Variants in TM9SF4 observed in about 807,000 individuals in gnomAD.
TM9SF4 encodes dinucleotide oxidase disulfide thiol exchanger 3 superfamily member 4.
A neutral mutation model predicts 90.4 loss-of-function variants in TM9SF4; 26 were observed. That is an observed-to-expected ratio of 0.29 (90% confidence interval 0.21 to 0.40). The LOEUF (loss-of-function observed/expected upper bound fraction) is 0.40, where lower values mean the gene tolerates loss of function less well. Ranked by LOEUF, TM9SF4 falls within the 10% of genes least tolerant of loss-of-function variation. TM9SF4 has a pLI of 1.00. For missense variants in TM9SF4, 549 were observed against 834.8 expected, an observed-to-expected ratio of 0.66 and a Z score of 4.22; for synonymous variants, 293 against 315.4, an observed-to-expected ratio of 0.93 and a Z score of 0.75.
At chr20:32,157,410 A>G (rs6087828) in intron 13 of TM9SF4, among the ~76,000 whole-genome samples, 17,364 of 152,266 alleles carry the variant, frequency 0.11, 2,177 homozygotes, top group African/African-American at 0.31. Flanking sequence ...ATGTAGTTTT[A>G]TTCTGACAAG....
intron 3 of TM9SF4, among the ~76,000 whole-genome samples, chr20:32,137,394 T>G (rs2122389443): frequency 6.6e-6 from 1 of 152,354 alleles, no homozygotes; most frequent in Admixed American, 6.5e-5. Flanking sequence ...TTAGGCACTC[T>G]TAGTATGATC....
At chr20:32,134,974 CAA>C (rs1357649371) in intron 2 of TM9SF4, among the ~76,000 whole-genome samples, 1 of 151,862 alleles carries the variant, frequency 6.6e-6, no homozygotes, top group Non-Finnish European at 1.5e-5. Context: ...TTTCTAATCC[CAA>C]AAAAGAGTTG....
intron 12 of TM9SF4, among the ~76,000 whole-genome samples, chr20:32,153,797 T>C (rs1368806935): frequency 6.6e-6 from 1 of 152,178 alleles, no homozygotes; most frequent in Non-Finnish European, 1.5e-5. Context: ...TTGACTAGAC[T>C]AGAATCCCTG....
Position 32,167,177 on chromosome 20 carries a change from T to C in TM9SF4, c.*1733T>C, listed in dbSNP as rs1168248570. On this transcript the variant is annotated 3_prime_UTR_variant, in exon 18 of 18. Transcript: ENST00000398022. ...CAATTTTTCTGACTTTTTAAATCAT[T>C]ATCATTATTATTTTTAATTAAAAAA... 1 of 152,154 alleles carries C rather than the reference T, an allele frequency of 6.6e-6. No individual in the cohort carries two copies. The highest frequency in any genetic ancestry group is 6.5e-5 in the Admixed American group (1 of 15,272). 9.4% of individuals were successfully genotyped at this position (152,154 alleles called of 1,614,324 possible).
At chr20:32,150,505 G>T in intron 10 of TM9SF4, 117 bp from the exon 11 acceptor site, 1 of 1,188,280 alleles carries the variant, frequency 8.4e-7, no homozygotes, top group South Asian at 1.3e-5. Flanking sequence ...AGCCTCATCT[G>T]CCCAGAGTCC....
rs767864256 is a variant in TM9SF4, at chr20:32,145,375, C to T, written c.835C>T (p.His279Tyr). The change falls in exon 8 of 18, where the codon CAC (histidine) becomes TAC (tyrosine). Residue 279 changes from histidine (H) to tyrosine (Y), a missense_variant. Transcript: ENST00000398022. ...CCTGACCATGAGTGACGTCCAGATC[C>T]ACTGGTTTTCTATCATTAACTCCGT... ...TYLTMSDVQIHWFSIINSVVV... is the reference protein window; with the variant it reads ...TYLTMSDVQIYWFSIINSVVV... The T allele has an allele frequency of 6.2e-7, 1 of 1,614,156 alleles. No homozygotes were observed.
At chr20:32,110,890 C>T (rs919145030) in intron 1 of TM9SF4, among the ~76,000 whole-genome samples, 1 of 152,168 alleles carries the variant, frequency 6.6e-6, no homozygotes, top group African/African-American at 2.4e-5. Flanking sequence ...TCACTTAGTC[C>T]AGAATGATTT....
chr20:32,110,428 A>T (rs964898220), intron 1 of TM9SF4, among the ~76,000 whole-genome samples: 1 of 152,036 alleles, frequency 6.6e-6, no homozygotes, highest in Admixed American at 6.6e-5. Context: ...CTCAAACTTT[A>T]CTGTGCATAA....
At chr20:32,145,001 G>A (rs542229643) in intron 6 of TM9SF4, 90 bp from the exon 7 acceptor site, 160 of 1,242,658 alleles carry the variant, frequency 1.3e-4, no homozygotes, top group Middle Eastern at 2.0e-4. Flanking sequence ...GGGTCTCCGC[G>A]ACAGGCAGCC....
intron 1 of TM9SF4, among the ~76,000 whole-genome samples, chr20:32,120,006 A>C (rs1253356136): frequency 6.6e-6 from 1 of 152,216 alleles, no homozygotes; most frequent in Non-Finnish European, 1.5e-5. Flanking sequence ...ATTATTTTCC[A>C]CTGATCTTTA....
At chr20:32,139,467 GA>G (rs2046639976) in intron 3 of TM9SF4, among the ~76,000 whole-genome samples, 1 of 152,110 alleles carries the variant, frequency 6.6e-6, no homozygotes, top group South Asian at 2.1e-4. Flanking sequence ...TGGAGCTCCT[GA>G]ATCTGTGTAC....
At chr20:32,119,895 CTA>C (rs1302118610) in intron 1 of TM9SF4, among the ~76,000 whole-genome samples, 1 of 152,086 alleles carries the variant, frequency 6.6e-6, no homozygotes. Flanking sequence ...GGTCCAAGCA[CTA>C]TGTTTTGAAA....
rs183803089 is a variant in TM9SF4 at position 32,124,668 on chromosome 20, C to A, written c.16-8345C>A. 6.1e-4 allele frequency among the ~76,000 whole-genome samples: 93 copies of A among 152,160 alleles called. 1 individual carries two copies. Among genetic ancestry groups the A allele is most frequent in the African/African-American group, 2.1e-3 (87 of 41,488 alleles). On this transcript the variant is annotated intron_variant, in intron 1 of 17. Coordinates refer to ENST00000398022, the MANE Select transcript of TM9SF4 (RefSeq NM_014742.4). Reference sequence around the variant, plus strand: ...ATGGCACAATCTTGGCTCACTGCAACCTCTGCCTCCCAGGTTCAAGCAATT... The same window carrying A: ...ATGGCACAATCTTGGCTCACTGCAAACTCTGCCTCCCAGGTTCAAGCAATT...
chr20:32,122,645 T>C (rs1322716052), intron 1 of TM9SF4, among the ~76,000 whole-genome samples: 2 of 142,298 alleles, frequency 1.4e-5, no homozygotes, highest in Non-Finnish European at 3.1e-5. Context: ...ACTTCCCAGA[T>C]GGGATGGCGG....
intron 5 of TM9SF4, 75 bp downstream of exon 5, chr20:32,141,970 A>T: frequency 6.3e-7 from 1 of 1,593,744 alleles, no homozygotes; most frequent in South Asian, 1.1e-5. Flanking sequence ...GCCACAGAAA[A>T]GGTGGGGCTC....
rs1374163500 is a variant in TM9SF4 at position 32,136,160 on chromosome 20, G to C, written c.216G>C (p.Lys72Asn). 1 of 1,614,110 alleles carries C rather than the reference G, an allele frequency of 6.2e-7. No homozygotes were observed. Among genetic ancestry groups the C allele is most frequent in the Non-Finnish European group, 8.5e-7 (1 of 1,179,992 alleles). ...GCCAGCCCAGCAAGATAACCTACAA[G>C]GCAGAGAATCTGGGTAAGTTCTTCT... is the stretch of plus-strand genomic sequence containing the variant. ...PFCQPSKITY[K>N]AENLGEVLRG... is the part of the protein sequence containing the mutation. Residue 72 changes from lysine (K) to asparagine (N), a missense_variant, in exon 3 of 18, where the codon AAG becomes AAC. Transcript: ENST00000398022.
chr20:32,139,911 C>T (rs1459679580), intron 3 of TM9SF4, among the ~76,000 whole-genome samples: 3 of 152,248 alleles, frequency 2.0e-5, no homozygotes, highest in African/African-American at 7.2e-5. Flanking sequence ...TCAAGTACCC[C>T]TTCCTCAGGG....
At chr20:32,115,738 G>A (rs1248179261) in intron 1 of TM9SF4, among the ~76,000 whole-genome samples, 4 of 149,174 alleles carry the variant, frequency 2.7e-5, no homozygotes, top group East Asian at 3.9e-4. Flanking sequence ...AACCGTTTGC[G>A]CTTTTAAGCC....
chr20:32,112,756 G>A (rs1347276884), intron 1 of TM9SF4, among the ~76,000 whole-genome samples: 1 of 151,828 alleles, frequency 6.6e-6, no homozygotes, highest in Non-Finnish European at 1.5e-5. Context: ...CAAGTACGGT[G>A]ATTTAGTGTT....
Sources: allele counts gnomAD v4.1 joint callset (sites outside exome capture counted in the v4.1 genomes callset), GRCh38; gene constraint gnomAD v4.1.1; transcripts MANE v1.5; gene names NCBI Gene and HGNC (gene_info 2026-07-23, HGNC 2026-07-21).